The following ARPP21 variants were observed in gnomAD, a reference collection of about 807,000 sequenced individuals.
The protein encoded by ARPP21 is cAMP regulated phosphoprotein 21.
A neutral mutation model predicts 113.2 loss-of-function variants in ARPP21; 69 were observed. That is an observed-to-expected ratio of 0.61 (90% CI 0.50 to 0.74). The LOEUF is 0.74. Among genes scored for constraint, ARPP21 ranks in the 30% least tolerant of loss-of-function variants. The pLI is 0.00. For missense variants in ARPP21, 1,070 were observed against 1,037.4 expected (o/e 1.03, Z -0.43); for synonymous variants, 368 against 375.5 (o/e 0.98, Z 0.23).
chr3:35,691,401 T>C (rs2082193518), intron 9 of ARPP21, among the ~76,000 whole-genome samples: 1 of 151,678 alleles, frequency 6.6e-6, no homozygotes, highest in African/African-American at 2.4e-5. Context: ...TCTTCTGCTT[T>C]TTTAGACATC....
intron 1 of ARPP21, among the ~76,000 whole-genome samples, chr3:35,649,995 T>A (rs534762395): frequency 6.6e-6 from 1 of 152,094 alleles, no homozygotes. Context: ...TGAACTTCCA[T>A]TCACCCATCC....
chr3:35,671,107 C>T (rs371910240), intron 1 of ARPP21, among the ~76,000 whole-genome samples: 1 of 152,110 alleles, frequency 6.6e-6, no homozygotes, highest in Non-Finnish European at 1.5e-5. Flanking sequence ...CTTTCACTCC[C>T]CTGGCTGCTT....
Position 35,698,783 on chromosome 3 carries a change from T to C in ARPP21, c.686+7778T>C, listed in dbSNP as rs73825900. 5.7e-3 allele frequency among the ~76,000 whole-genome samples: 858 copies of C among 151,802 alleles called. 8 individuals carry two copies. The highest frequency in any genetic ancestry group is 0.019 in the African/African-American group (772 of 41,492). ...ATTGATTCACTTATACAAATTCTAA[T>C]TTGCATTTTATTGCCTTTAAAATTC... On this transcript the variant is annotated intron_variant, in intron 9 of 20. Coordinates refer to ENST00000684406, the MANE Select transcript of ARPP21 (RefSeq NM_001385562.1).
At chr3:35,697,495 A>G (rs1402776492) in intron 9 of ARPP21, among the ~76,000 whole-genome samples, 1 of 151,644 alleles carries the variant, frequency 6.6e-6, no homozygotes, top group African/African-American at 2.4e-5. Flanking sequence ...TAAATCATAA[A>G]AGCCATGAAA....
intron 19 of ARPP21, chr3:35,781,740 C>T (rs1429985280): frequency 6.6e-6 from 1 of 152,080 alleles, no homozygotes; most frequent in Non-Finnish European, 1.5e-5. Context: ...ACTATCTTTA[C>T]TTTGGGTAAA....
chr3:35,725,048 G>A (rs1576330109), intron 14 of ARPP21, among the ~76,000 whole-genome samples: 1 of 152,180 alleles, frequency 6.6e-6, no homozygotes, highest in Non-Finnish European at 1.5e-5. Context: ...TTTAGAGAGA[G>A]AACTGAGCTC....
intron 19 of ARPP21, among the ~76,000 whole-genome samples, chr3:35,748,559 A>T (rs185748136): frequency 3.3e-5 from 5 of 152,296 alleles, no homozygotes; most frequent in Admixed American, 3.3e-4. Context: ...GCTTGTTTAT[A>T]AAAAGACTGT....
At chr3:35,728,419 C>T (rs947589347) in intron 14 of ARPP21, among the ~76,000 whole-genome samples, 5 of 151,522 alleles carry the variant, frequency 3.3e-5, no homozygotes, top group African/African-American at 1.2e-4. Flanking sequence ...GGGGTTTCAC[C>T]ATATTGGCCA....
At chr3:35,658,610 C>T (rs1235222129) in intron 1 of ARPP21, among the ~76,000 whole-genome samples, 4 of 152,126 alleles carry the variant, frequency 2.6e-5, no homozygotes, top group African/African-American at 9.7e-5. Flanking sequence ...CTCCTGATGA[C>T]ATACCCATAA....
At chr3:35,715,232 G>C (rs565153131) in intron 11 of ARPP21, 24 of 504,620 alleles carry the variant, frequency 4.8e-5, no homozygotes, top group Non-Finnish European at 7.5e-5. Context: ...GAGACGTCCT[G>C]AAGGAAAAAT....
At chr3:35,686,841 A>C (rs1467814728) in intron 5 of ARPP21, among the ~76,000 whole-genome samples, 2 of 151,546 alleles carry the variant, frequency 1.3e-5, no homozygotes, top group African/African-American at 4.8e-5. Flanking sequence ...TTCTTCTTCA[A>C]AACAGTGAAC....
At position 35,721,861 on chromosome 3, in the gene ARPP21, C is replaced by T. The variant is rs987834024; in HGVS notation, c.1225+27C>T. 6 of 1,462,192 alleles carry T rather than the reference C, an allele frequency of 4.1e-6. No homozygotes were observed. In the African/African-American group the frequency reaches 7.0e-5, roughly 17 times the overall value. The allele number at this position is 1,462,192 out of a possible 1,614,324, so 90.6% of individuals were successfully genotyped here. Reference sequence around the variant, plus strand: ...TAGTTAGTACTGAATGTGTTTATGTCCTGTGGTATTTTTTGGATTCTACCC... The same window carrying T: ...TAGTTAGTACTGAATGTGTTTATGTTCTGTGGTATTTTTTGGATTCTACCC... On this transcript the variant is annotated intron_variant, in intron 14 of 20. Transcript: ENST00000684406.
intron 15 of ARPP21, among the ~76,000 whole-genome samples, chr3:35,735,462 T>C (rs1293480373): frequency 6.6e-6 from 1 of 152,180 alleles, no homozygotes; most frequent in Non-Finnish European, 1.5e-5. Context: ...TGATCCTTGG[T>C]TGTTCTTTAT....
At chr3:35,646,338 CAT>C (rs962201015) in intron 1 of ARPP21, among the ~76,000 whole-genome samples, 3 of 152,070 alleles carry the variant, frequency 2.0e-5, no homozygotes, top group African/African-American at 4.8e-5. Context: ...TCTGCATTTA[CAT>C]GTTTTTCTTA....
intron 19 of ARPP21, among the ~76,000 whole-genome samples, chr3:35,783,038 T>G (rs1367930593): frequency 6.6e-6 from 1 of 152,166 alleles, no homozygotes; most frequent in Non-Finnish European, 1.5e-5. Flanking sequence ...CATTGTCACA[T>G]TTTTCTTTCT....
intron 1 of ARPP21, chr3:35,643,534 C>T (rs1401066226): frequency 1.3e-5 from 2 of 152,060 alleles, no homozygotes; most frequent in Admixed American, 6.6e-5. Flanking sequence ...TGGGAATCCT[C>T]ATCGGAATTC....
intron 19 of ARPP21, among the ~76,000 whole-genome samples, chr3:35,762,644 G>A (rs973591532): frequency 1.3e-5 from 2 of 152,098 alleles, no homozygotes; most frequent in African/African-American, 4.8e-5. Flanking sequence ...CAGACATGCA[G>A]TCAATATTTC....
chr3:35,642,902 TTAAGA>T (rs1698662324), intron 1 of ARPP21, among the ~76,000 whole-genome samples: 1 of 152,116 alleles, frequency 6.6e-6, no homozygotes, highest in Non-Finnish European at 1.5e-5. Flanking sequence ...CTCCTTAGAA[TTAAGA>T]TAAGCCCTAC....
chr3:35,792,329 C>T (rs1192238165), intron 19 of ARPP21, 53 bp from the exon 20 acceptor site: 2 of 1,568,114 alleles, frequency 1.3e-6, no homozygotes, highest in Non-Finnish European at 1.8e-6. Flanking sequence ...CCCCATGAAA[C>T]ATCACTGTGT....
Sources: allele counts gnomAD v4.1 joint callset (sites outside exome capture counted in the v4.1 genomes callset), GRCh38; gene constraint gnomAD v4.1.1; transcripts MANE v1.5; gene names NCBI Gene and HGNC (gene_info 2026-07-23, HGNC 2026-07-21).